Variants in DLEC1 observed in about 807,000 individuals in gnomAD.
The protein encoded by DLEC1 is DLEC1 cilia and flagella associated protein, also known as deleted in lung and esophageal cancer protein 1.
In DLEC1, 146 loss-of-function variants were observed where a neutral mutation model predicts 198.1. That is an observed-to-expected ratio of 0.74 (90% CI 0.64 to 0.85). The LOEUF is 0.85. Ranked by LOEUF, DLEC1 falls within the 40% of genes least tolerant of loss-of-function variation. The probability of loss-of-function intolerance (pLI) is 0.00; values close to 1 mark genes in which losing one functional copy is unlikely to be tolerated. For missense variants in DLEC1, 2,233 were observed against 2,220.0 expected (o/e 1.01, Z -0.12); for synonymous variants, 897 against 866.8 (o/e 1.03, Z -0.61).
chr3:38,093,605 G>T lies in DLEC1; in HGVS notation c.1757G>T (p.Gly586Val). 1.9e-6 allele frequency: 3 copies of T among 1,614,150 alleles called. No homozygotes were observed. Among genetic ancestry groups the T allele is most frequent in the Non-Finnish European group, 2.5e-6 (3 of 1,180,020 alleles). Residue 586 changes from glycine to valine, a missense_variant and splice_region_variant, in exon 12 of 37, where the codon GGA becomes GTA. Coordinates refer to ENST00000308059, the MANE Select transcript of DLEC1 (RefSeq NM_007335.4). ...NCQIKELVTI[G>V]IGQLIALDLI... is the part of the protein sequence containing the mutation. ...GACTTCACTTACTCTACTTTGGCAG[G>T]AATTGGGCAGCTGATTGCTTTGGAT...
At chr3:38,100,489 A>G in intron 19 of DLEC1, 64 bp downstream of exon 19, 2 of 1,450,338 alleles carry the variant, frequency 1.4e-6, no homozygotes, top group South Asian at 1.6e-5. Flanking sequence ...ATTTATCTAT[A>G]TTATATATTT....
At chr3:38,117,662 GTC>G in intron 32 of DLEC1, 51 bp downstream of exon 32, 2 of 1,612,494 alleles carry the variant, frequency 1.2e-6, no homozygotes, top group Middle Eastern at 1.7e-4. Context: ...GACCTCAGAT[GTC>G]TCTGTGTGCC....
Position 38,082,380 on chromosome 3 carries a change from T to C in DLEC1, c.1174-1778T>C, listed in dbSNP as rs1376522455. On this transcript the variant is annotated intron_variant, in intron 6 of 36. Coordinates refer to ENST00000308059, the MANE Select transcript of DLEC1 (RefSeq NM_007335.4). ...GCGGCCAGGCAGAGACACTCCTCAC[T>C]TCCCAGACGGGGTGGCGGCCGGGCA... is the stretch of plus-strand genomic sequence containing the variant. Among the ~76,000 whole-genome samples the C allele has an allele frequency of 2.7e-4, 39 of 146,802 alleles. 1 individual carries two copies. Among genetic ancestry groups the C allele is most frequent in the Non-Finnish European group, 2.7e-4 (18 of 66,298 alleles).
intron 34 of DLEC1, among the ~76,000 whole-genome samples, chr3:38,120,917 G>T (rs528862840): frequency 6.6e-6 from 1 of 152,252 alleles, no homozygotes; most frequent in Non-Finnish European, 1.5e-5. Flanking sequence ...CACGTTGACA[G>T]CCAGGCCAAA....
chr3:38,097,978 G>A (rs990139661), intron 18 of DLEC1, 76 bp downstream of exon 18: 4 of 1,581,560 alleles, frequency 2.5e-6, no homozygotes, highest in South Asian at 2.3e-5. Flanking sequence ...AACTTGCCCT[G>A]GTGTGTTTAG....
chr3:38,112,083 T>G lies in DLEC1; in HGVS notation c.3515-127T>G. 6.9e-7 allele frequency: 1 copy of G among 1,453,676 alleles called. No individual in the cohort carries two copies. Among genetic ancestry groups the G allele is most frequent in the Non-Finnish European group, 9.5e-7 (1 of 1,056,930 alleles). The allele number at this position is 1,453,676 out of a possible 1,614,324, so 90.0% of individuals were successfully genotyped here. A position where few individuals can be genotyped will look rare whatever the true frequency, so the allele number is the denominator to read the frequency against. ...TCCAGGCTCCCAGGAGGAGGGCACA[T>G]GTAGCCTGACCAAGGAGAGGCTGGA... On this transcript the variant is annotated intron_variant, in intron 24 of 36. Coordinates refer to ENST00000308059, the MANE Select transcript of DLEC1 (RefSeq NM_007335.4). The surrounding 1 kb of genome is among the most constrained non-coding windows in gnomAD (Gnocchi z 4.8).
At chr3:38,085,236 C>T (rs756794045) in intron 7 of DLEC1, 38 bp from the exon 8 acceptor site, 11 of 1,612,324 alleles carry the variant, frequency 6.8e-6, no homozygotes, top group Middle Eastern at 1.7e-4. Context: ...TGGCTGGCTG[C>T]TCCCAGGATC....
chr3:38,062,697 C>T lies in DLEC1; in HGVS notation c.990C>T (p.Pro330=), dbSNP rs1168676108. 1.1e-5 allele frequency: 18 copies of T among 1,613,916 alleles called. No homozygotes were observed. Among genetic ancestry groups the T allele is most frequent in the Non-Finnish European group, 1.4e-5 (17 of 1,180,016 alleles). The change falls in exon 5 of 37, where the codon CCC becomes CCT. Residue 330 remains proline (P), a synonymous_variant. Transcript: ENST00000308059. ...GTCGGAACCACTTCCTAAAAAATCC[C>T]CGTTTTTTTCCTCCTAACACTCGAT... ...MESRNHFLKN[P]RFFPPNTRYG...
intron 22 of DLEC1, 124 bp downstream of exon 22, chr3:38,109,686 C>G: frequency 6.6e-7 from 1 of 1,506,230 alleles, no homozygotes; most frequent in East Asian, 2.3e-5. Context: ...CAGGAAAACG[C>G]CACAGTGTTA....
chr3:38,064,495 A>G (rs574214139), intron 6 of DLEC1, among the ~76,000 whole-genome samples: 129 of 152,344 alleles, frequency 8.5e-4, no homozygotes, highest in Middle Eastern at 6.8e-3. Context: ...CGCCATCGGC[A>G]TCATGGCCCG....
At chr3:38,052,585 C>T (rs776855744) in intron 2 of DLEC1, among the ~76,000 whole-genome samples, 3 of 152,160 alleles carry the variant, frequency 2.0e-5, no homozygotes, top group Non-Finnish European at 2.9e-5. Flanking sequence ...CAAGTTGTGG[C>T]GCAGAGCTGA....
At chr3:38,080,837 T>G (rs550756054) in intron 6 of DLEC1, among the ~76,000 whole-genome samples, 1 of 144,458 alleles carries the variant, frequency 6.9e-6, no homozygotes, top group Non-Finnish European at 1.5e-5. Flanking sequence ...TATTTTTTAT[T>G]GATAATTCTT....
rs2125606957 is a variant in DLEC1 at position 38,059,777 on chromosome 3, T to G, written c.598T>G (p.Leu200Val). The G allele has an allele frequency of 4.3e-6, 7 of 1,614,080 alleles. No homozygotes were observed. The South Asian group carries it at 7.7e-5, about 18-fold the overall frequency. Residue 200 changes from leucine (L) to valine (V), a missense_variant, in exon 3 of 37, where the codon TTG (leucine) becomes GTG (valine). Physicochemically the swap from Leu to Val is conservative, Grantham distance 32. Transcript: ENST00000308059. ...SVSRWCIDSE[L>V]LRKHHLISPE... ...CTCCAGATGGTGTATAGACAGCGAG[T>G]TGCTACGGAAACATCATTTGATCTC... is the stretch of plus-strand genomic sequence containing the variant.
intron 1 of DLEC1, among the ~76,000 whole-genome samples, chr3:38,041,780 G>A (rs1700665517): frequency 6.7e-6 from 1 of 150,342 alleles, no homozygotes; most frequent in Middle Eastern, 3.5e-3. Context: ...CCCAGGAGGC[G>A]GAGGTTGCAA....
Position 38,120,574 on chromosome 3 carries a change from A to G in DLEC1, c.4831A>G (p.Asn1611Asp). 6.2e-7 allele frequency: 1 copy of G among 1,613,756 alleles called. No individual in the cohort carries two copies. Among genetic ancestry groups the G allele is most frequent in the Non-Finnish European group, 8.5e-7 (1 of 1,179,892 alleles). Residue 1611 changes from asparagine (N) to aspartate (D), a missense_variant, in exon 34 of 37, where the codon AAC becomes GAC. By Grantham distance (23) the Asn-to-Asp change is conservative. Transcript: ENST00000308059. ...SGEREMVFTQ[N>D]LLLEYTNQTT... Reference sequence around the variant, plus strand: ...AGAGAGAGAGATGGTGTTTACTCAGAACCTGCTCCTGGAGTACACCAACCA... The same window carrying G: ...AGAGAGAGAGATGGTGTTTACTCAGGACCTGCTCCTGGAGTACACCAACCA...
intron 6 of DLEC1, among the ~76,000 whole-genome samples, chr3:38,070,362 G>A (rs1446531700): frequency 2.0e-5 from 3 of 152,224 alleles, no homozygotes; most frequent in Admixed American, 2.0e-4. Context: ...AACCTAACTG[G>A]TGCCTCTTTG....
At chr3:38,067,830 G>A (rs1278322445) in intron 6 of DLEC1, among the ~76,000 whole-genome samples, 1 of 145,322 alleles carries the variant, frequency 6.9e-6, no homozygotes, top group African/African-American at 2.6e-5. Context: ...TTGGCTCACT[G>A]CAACCTCTGC....
chr3:38,088,145 A>G (rs1475059578), intron 9 of DLEC1, 151 bp from the exon 10 acceptor site: 11 of 665,314 alleles, frequency 1.7e-5, no homozygotes, highest in Non-Finnish European at 1.6e-5. Context: ...TGCTGAATGA[A>G]TAAGCCTCAG....
intron 13 of DLEC1, 122 bp from the exon 14 acceptor site, chr3:38,095,766 T>C (rs1698982238): frequency 5.4e-6 from 7 of 1,285,134 alleles, no homozygotes; most frequent in Non-Finnish European, 7.7e-6. Flanking sequence ...ACCCTGGGTT[T>C]TCAGAAGGTC....
Sources: allele counts gnomAD v4.1 joint callset (sites outside exome capture counted in the v4.1 genomes callset), GRCh38; gene constraint gnomAD v4.1.1; non-coding constraint Gnocchi (gnomAD v3.1); transcripts MANE v1.5; gene names NCBI Gene and HGNC (gene_info 2026-07-23, HGNC 2026-07-21).